The following SMARCA5 variants were observed in gnomAD, a reference collection of about 807,000 sequenced individuals.
SMARCA5 encodes SNF2 related chromatin remodeling ATPase 5.
SMARCA5 carries 18 observed loss-of-function variants against 140.4 expected under a neutral mutation model. The ratio of observed to expected loss-of-function variants is 0.13; its 90% CI spans 0.09 to 0.19. The LOEUF (loss-of-function observed/expected upper bound fraction) is 0.19. Ranked by LOEUF, SMARCA5 falls within the 10% of genes least tolerant of loss-of-function variation. The probability of loss-of-function intolerance (pLI) is 1.00; values close to 1 mark genes in which losing one functional copy is unlikely to be tolerated. For synonymous variants in SMARCA5, 449 were observed against 419.6 expected (o/e 1.07, Z -0.86); for missense variants, 606 against 1,276.8 (o/e 0.47, Z 8.01).
chr4:143,532,376 T>C (rs530114548), intron 9 of SMARCA5, among the ~76,000 whole-genome samples: 61 of 152,324 alleles, frequency 4.0e-4, no homozygotes, highest in South Asian at 3.1e-3. Context: ...TTGGCTTTCC[T>C]TTAGTAAATA....
At chr4:143,517,180 T>A (rs941636954) in intron 1 of SMARCA5, among the ~76,000 whole-genome samples, 175 bp from the exon 2 acceptor site, 1 of 152,220 alleles carries the variant, frequency 6.6e-6, no homozygotes. Context: ...ATCCCCATAG[T>A]ATCTAATATC....
Position 143,514,081 on chromosome 4 carries a change from C to A in SMARCA5, c.157C>A (p.Pro53Thr). ...GGTTGCGTCTGCGGCCAGCGCTGGT[C>A]CCGCAGACGCCGAGATGGAGGTGAG... ...QAVASAASAG[P>T]ADAEMEEIFD... The change falls in exon 1 of 24, where the codon CCC (proline) becomes ACC (threonine). Residue 53 changes from proline (P) to threonine (T), a missense_variant. Transcript: ENST00000283131. 1 of 1,553,000 alleles carries A rather than the reference C, an allele frequency of 6.4e-7. No homozygotes were observed. Among genetic ancestry groups the A allele is most frequent in the Non-Finnish European group, 8.6e-7 (1 of 1,157,840 alleles).
intron 8 of SMARCA5, 40 bp from the exon 9 acceptor site, chr4:143,530,415 ATAT>A: frequency 1.5e-6 from 2 of 1,300,532 alleles, no homozygotes; most frequent in Non-Finnish European, 2.2e-6. Flanking sequence ...GTATTTGTTA[ATAT>A]TATCTCTGAT....
At position 143,544,857 on chromosome 4, in the gene SMARCA5, C is replaced by G. The variant is rs748344868; in HGVS notation, c.2283+10C>G. The G allele has an allele frequency of 1.7e-5, 24 of 1,388,620 alleles. No individual in the cohort carries two copies. The highest frequency in any genetic ancestry group is 2.4e-5 in the Non-Finnish European group (24 of 987,950). The allele number at this position is 1,388,620 out of a possible 1,614,324, so 86.0% of individuals were successfully genotyped here. ...ACCTAAAGCACCCAAGGTGAGTTGA[C>G]TGACACAGCATAAAAATATCTAAAA... On this transcript the variant is annotated intron_variant, in intron 17 of 23. Transcript: ENST00000283131.
chr4:143,530,391 T>C, intron 8 of SMARCA5, 67 bp from the exon 9 acceptor site: 1 of 953,050 alleles, frequency 1.0e-6, no homozygotes, highest in Non-Finnish European at 1.6e-6. Context: ...CATTTCTATA[T>C]CTGGTATTAT....
At chr4:143,522,416 G>A (rs556953193) in intron 3 of SMARCA5, among the ~76,000 whole-genome samples, 18 of 152,134 alleles carry the variant, frequency 1.2e-4, no homozygotes, top group Non-Finnish European at 2.2e-4. Flanking sequence ...TTCCCAAAGT[G>A]AAAACTGTGA....
At chr4:143,545,168 CTT>C (rs916435317) in intron 17 of SMARCA5, among the ~76,000 whole-genome samples, 2 of 152,116 alleles carry the variant, frequency 1.3e-5, no homozygotes, top group Non-Finnish European at 2.9e-5. Context: ...GTCTTGATCT[CTT>C]GACCTCATGA....
intron 11 of SMARCA5, among the ~76,000 whole-genome samples, chr4:143,537,422 C>T (rs891915350): frequency 2.0e-5 from 3 of 152,104 alleles, no homozygotes; most frequent in Admixed American, 1.3e-4. Context: ...AGGTGAATCT[C>T]CTCTATGATA....
At chr4:143,524,720 G>A (rs995762193) in intron 4 of SMARCA5, among the ~76,000 whole-genome samples, 14 of 152,108 alleles carry the variant, frequency 9.2e-5, no homozygotes, top group African/African-American at 2.4e-4. Flanking sequence ...TCTAAGGATC[G>A]TTTTGCTTTA....
chr4:143,519,427 C>G (rs1223574956), intron 2 of SMARCA5, among the ~76,000 whole-genome samples: 1 of 152,028 alleles, frequency 6.6e-6, no homozygotes, highest in Non-Finnish European at 1.5e-5. Flanking sequence ...TATGATCTGG[C>G]CCCTTCCAAG....
chr4:143,533,910 C>CA (rs1737250168), intron 9 of SMARCA5, among the ~76,000 whole-genome samples: 1 of 152,114 alleles, frequency 6.6e-6, no homozygotes. Context: ...AGTATATACT[C>CA]AAACATATAC....
intron 2 of SMARCA5, 104 bp from the exon 3 acceptor site, chr4:143,521,325 T>G: frequency 1.5e-6 from 1 of 669,774 alleles, no homozygotes; most frequent in Non-Finnish European, 2.4e-6. Context: ...GTAGTTCTCT[T>G]TTTTTTTTTG....
At chr4:143,543,739 T>C in intron 15 of SMARCA5, 82 bp downstream of exon 15, 1 of 1,500,666 alleles carries the variant, frequency 6.7e-7, no homozygotes, top group Non-Finnish European at 9.1e-7. Context: ...TGATGATAAA[T>C]AATTTTATTT....
At chr4:143,536,937 G>GA in intron 11 of SMARCA5, among the ~76,000 whole-genome samples, 1 of 152,258 alleles carries the variant, frequency 6.6e-6, no homozygotes, top group East Asian at 1.9e-4. Flanking sequence ...TACTTTCCTA[G>GA]AAATTATAGC....
At chr4:143,514,226 C>T (rs779171471) in intron 1 of SMARCA5, 125 bp downstream of exon 1, 50 of 855,930 alleles carry the variant, frequency 5.8e-5, no homozygotes, top group Non-Finnish European at 7.6e-5. Context: ...GCTTCACACC[C>T]TGTGGATACG....
Position 143,536,610 on chromosome 4 carries a change from T to C in SMARCA5, c.1427T>C (p.Met476Thr), listed in dbSNP as rs751958306. 2.5e-5 allele frequency: 41 copies of C among 1,613,778 alleles called. No homozygotes were observed. Among genetic ancestry groups the C allele is most frequent in the South Asian group, 1.1e-4 (10 of 91,080 alleles). Residue 476 changes from methionine to threonine, a missense_variant, in exon 11 of 24, where the codon ATG (methionine) becomes ACG (threonine). Met to Thr is a moderately conservative substitution (Grantham distance 81). Transcript: ENST00000283131. ...CCTGGTCCACCTTATACAACAGATA[T>C]GCATCTAGTAACCAACAGTGGCAAA... Reference protein sequence around the residue: ...AEPGPPYTTDMHLVTNSGKMV... With the variant: ...AEPGPPYTTDTHLVTNSGKMV...
At position 143,540,425 on chromosome 4, in the gene SMARCA5, C is replaced by T; in HGVS notation, c.1833C>T (p.Asn611=). ...GAGTGTTCCGCTTTATAACTGATAA[C>T]ACTGTAGAAGAAAGAATAGTAGAAC... ...TVRVFRFITD[N]TVEERIVERA... The change falls in exon 14 of 24, where the codon AAC becomes AAT. Residue 611 remains asparagine, a synonymous_variant. Transcript: ENST00000283131. 1 of 1,612,526 alleles carries T rather than the reference C, an allele frequency of 6.2e-7. No individual in the cohort carries two copies. Among genetic ancestry groups the T allele is most frequent in the Non-Finnish European group, 8.5e-7 (1 of 1,178,780 alleles).
chr4:143,523,274 A>C (rs970093176), intron 3 of SMARCA5, among the ~76,000 whole-genome samples: 3 of 151,286 alleles, frequency 2.0e-5, no homozygotes, highest in African/African-American at 7.3e-5. Flanking sequence ...TGATCCACCC[A>C]CCTCTGCCTC....
At chr4:143,547,089 A>T (rs1399184984) in intron 20 of SMARCA5, among the ~76,000 whole-genome samples, 181 bp downstream of exon 20, 1 of 152,140 alleles carries the variant, frequency 6.6e-6, no homozygotes, top group Non-Finnish European at 1.5e-5. Flanking sequence ...TTTCCTTTTT[A>T]AAAATTTTTT....
Sources: gnomAD v4.1 joint callset for allele counts (sites outside exome capture counted in the v4.1 genomes callset) on GRCh38, gnomAD v4.1.1 for gene constraint, MANE v1.5 for transcripts, NCBI Gene and HGNC (gene_info 2026-07-23, HGNC 2026-07-21) for gene names.